The following PRUNE2 variants were observed in gnomAD, a reference collection of about 807,000 sequenced individuals.
The protein encoded by PRUNE2 is prune homolog 2 with BCH domain.
A neutral mutation model predicts 252.0 loss-of-function variants in PRUNE2; 164 were observed. The ratio of observed to expected loss-of-function variants is 0.65; its 90% confidence interval spans 0.57 to 0.74. The LOEUF is 0.74. Among genes scored for constraint, PRUNE2 ranks in the 30% least tolerant of loss-of-function variants. The pLI is 0.00. For missense variants in PRUNE2, 3,495 were observed against 3,711.0 expected (o/e 0.94, Z 1.51); for synonymous variants, 1,292 against 1,350.2 (o/e 0.96, Z 0.94).
chr9:76,876,576 T>C (rs2061488760), intron 1 of PRUNE2, among the ~76,000 whole-genome samples: 1 of 152,116 alleles, frequency 6.6e-6, no homozygotes, highest in Non-Finnish European at 1.5e-5. Context: ...CACCTAGACA[T>C]ACCTATTACA....
Position 76,704,128 on chromosome 9 carries a change from G to A in PRUNE2, c.7514-29C>T, listed in dbSNP as rs571795113. 4.0e-6 allele frequency: 6 copies of A among 1,516,400 alleles called. No individual in the cohort carries two copies. In the African/African-American group the frequency reaches 6.9e-5, roughly 17 times the overall value. The allele number at this position is 1,516,400 out of a possible 1,614,324, so 93.9% of individuals were successfully genotyped here. Reference sequence around the variant, plus strand: ...GAAGTGGAAGTTGAAAGTGAGAAGAGGAGAAAAAGGTTTAATTAACACATT... The same window carrying A: ...GAAGTGGAAGTTGAAAGTGAGAAGAAGAGAAAAAGGTTTAATTAACACATT... On this transcript the variant is annotated intron_variant, in intron 8 of 18. Transcript: ENST00000376718.
rs117473007 is a variant in PRUNE2, at chr9:76,851,185, T to A, written c.142-520A>T. Among the ~76,000 whole-genome samples the A allele has an allele frequency of 4.8e-3, 728 of 152,098 alleles. 23 individuals are homozygous for A. The highest frequency in any genetic ancestry group is 0.033 in the East Asian group (171 of 5,168). Reference sequence around the variant, plus strand: ...GGAAGGCACATACATTGCATCTAAATGAGATGCCTGTCACTCAGCTCCAGC... The same window carrying A: ...GGAAGGCACATACATTGCATCTAAAAGAGATGCCTGTCACTCAGCTCCAGC... On this transcript the variant is annotated intron_variant, in intron 2 of 18. Transcript: ENST00000376718.
chr9:76,868,526 C>A (rs2060977981), intron 1 of PRUNE2, among the ~76,000 whole-genome samples: 1 of 152,124 alleles, frequency 6.6e-6, no homozygotes, highest in African/African-American at 2.4e-5. Flanking sequence ...TTAGGGAATT[C>A]TGTAGGATAG....
chr9:76,654,812 C>A (rs1848624754), intron 10 of PRUNE2, among the ~76,000 whole-genome samples: 2 of 152,270 alleles, frequency 1.3e-5, no homozygotes, highest in South Asian at 4.1e-4. Context: ...AATGTAATTG[C>A]CTTCCTTCTT....
chr9:76,731,636 AT>A (rs2048619335), intron 6 of PRUNE2, among the ~76,000 whole-genome samples: 1 of 152,114 alleles, frequency 6.6e-6, no homozygotes, highest in Non-Finnish European at 1.5e-5. Flanking sequence ...CAATAAATAT[AT>A]TTTTTAAACT....
chr9:76,695,042 T>C (rs2045250460), intron 9 of PRUNE2, among the ~76,000 whole-genome samples: 1 of 151,296 alleles, frequency 6.6e-6, no homozygotes, highest in South Asian at 2.1e-4. Flanking sequence ...AAAAAGTTAT[T>C]ATTATTATTA....
chr9:76,634,708 A>G (rs1285400879), intron 15 of PRUNE2, among the ~76,000 whole-genome samples: 1 of 152,240 alleles, frequency 6.6e-6, no homozygotes. Flanking sequence ...TGCTGGATTC[A>G]TAAATCATTT....
At chr9:76,845,000 T>TAAA (rs55754002) in intron 4 of PRUNE2, among the ~76,000 whole-genome samples, 9 of 60,770 alleles carry the variant, frequency 1.5e-4, no homozygotes, top group East Asian at 6.7e-4. Flanking sequence ...CCCCCTCTCT[T>TAAA]AAAAAAAAAA....
At position 76,705,822 on chromosome 9, in the gene PRUNE2, C is replaced by T. The variant is rs780026396; in HGVS notation, c.6452G>A (p.Arg2151Gln). Residue 2151 changes from arginine to glutamine, a missense_variant, in exon 8 of 19, where the codon CGG (arginine) becomes CAG (glutamine). Arg to Gln is a conservative substitution (Grantham distance 43). Transcript: ENST00000376718. ...TTCTGCATTGGATGGGACAAACTCC[C>T]GTCCAGGCTCATAAATGGGTTCTTC... ...IDEEPIYEPG[R>Q]EFVPSNAELD... 7 of 1,613,514 alleles carry T rather than the reference C, an allele frequency of 4.3e-6. No individual in the cohort carries two copies. The Admixed American group carries it at 6.7e-5, about 15-fold the overall frequency.
At chr9:76,837,476 A>C (rs1564407267) in intron 4 of PRUNE2, among the ~76,000 whole-genome samples, 1 of 42,604 alleles carries the variant, frequency 2.3e-5, no homozygotes, top group African/African-American at 1.3e-4. Flanking sequence ...AATAATAATA[A>C]TGCTATTAAA....
At chr9:76,797,202 A>G (rs2056172064) in intron 6 of PRUNE2, among the ~76,000 whole-genome samples, 1 of 152,194 alleles carries the variant, frequency 6.6e-6, no homozygotes, top group African/African-American at 2.4e-5. Context: ...CAGGTCAGAA[A>G]GAATGTATTT....
At chr9:76,643,580 T>A (rs1394945090) in intron 12 of PRUNE2, among the ~76,000 whole-genome samples, 2 of 152,150 alleles carry the variant, frequency 1.3e-5, no homozygotes, top group African/African-American at 4.8e-5. Context: ...CGGGCATGAT[T>A]TCCCTTAGAG....
At chr9:76,824,865 G>C (rs2058251738) in intron 5 of PRUNE2, among the ~76,000 whole-genome samples, 1 of 152,186 alleles carries the variant, frequency 6.6e-6, no homozygotes, top group South Asian at 2.1e-4. Context: ...TCACAATGCA[G>C]CGTAAAATGA....
intron 5 of PRUNE2, among the ~76,000 whole-genome samples, chr9:76,824,150 C>T (rs1012469278): frequency 3.3e-5 from 5 of 152,166 alleles, no homozygotes; most frequent in Non-Finnish European, 7.3e-5. Context: ...TTCTTCTCCT[C>T]GCCTCCATCC....
chr9:76,884,454 C>T (rs958399921), intron 1 of PRUNE2, among the ~76,000 whole-genome samples: 2 of 152,184 alleles, frequency 1.3e-5, no homozygotes, highest in Non-Finnish European at 2.9e-5. Flanking sequence ...CGTATTTTAA[C>T]AGATGAGAAA....
rs761304231 is a variant in PRUNE2 at position 76,709,598 on chromosome 9, A to G, written c.2676T>C (p.Asn892=). 5 of 1,613,970 alleles carry G rather than the reference A, an allele frequency of 3.1e-6. No homozygotes were observed. The Admixed American group carries it at 8.3e-5, about 27-fold the overall frequency. ...PSSDLDHTWT[N]SKPPKEDQNG... ...TCTGATCTTCTTTTGGTGGCTTAGA[A>G]TTAGTCCATGTGTGATCCAGATCAG... The change falls in exon 8 of 19, where the codon AAT becomes AAC. Residue 892 remains asparagine, a synonymous_variant. Transcript: ENST00000376718.
intron 9 of PRUNE2, among the ~76,000 whole-genome samples, chr9:76,658,932 C>T (rs1850250510): frequency 6.6e-6 from 1 of 152,152 alleles, no homozygotes; most frequent in Non-Finnish European, 1.5e-5. Flanking sequence ...CTTTCCTGTC[C>T]CCTTTGAAGT....
At position 76,903,407 on chromosome 9, in the gene PRUNE2, TTTTG is replaced by T. The variant is rs370208160; in HGVS notation, c.36+2517_36+2520del. Among the ~76,000 whole-genome samples, 252 of 152,120 alleles carry T rather than the reference TTTTG, an allele frequency of 1.7e-3. 1 individual carries two copies. Among genetic ancestry groups the T allele is most frequent in the African/African-American group, 5.8e-3 (240 of 41,540 alleles). ...AAAAACCAAACTAGTAATTAGGCTT[TTTTG>T]TTTGTTTGTTTAGGTATCATATAGC... On this transcript the variant is annotated intron_variant, in intron 1 of 18. Coordinates refer to ENST00000376718, the MANE Select transcript of PRUNE2 (RefSeq NM_015225.3).
intron 9 of PRUNE2, among the ~76,000 whole-genome samples, chr9:76,677,245 T>A (rs866958558): frequency 1.3e-4 from 20 of 152,376 alleles, no homozygotes; most frequent in African/African-American, 4.8e-4. Context: ...TAGATTTACT[T>A]TTCTTTTTTC....
Sources: allele counts gnomAD v4.1 joint callset (sites outside exome capture counted in the v4.1 genomes callset), GRCh38; gene constraint gnomAD v4.1.1; transcripts MANE v1.5; gene names NCBI Gene and HGNC (gene_info 2026-07-23, HGNC 2026-07-21).